The following GABBR2 variants were observed in gnomAD, a reference collection of about 807,000 sequenced individuals.
GABBR2 encodes the protein gamma-aminobutyric acid type B receptor subunit 2, also known as G-protein coupled receptor 51.
In GABBR2, 23 loss-of-function variants were observed where a neutral mutation model predicts 105.6. That is an observed-to-expected ratio of 0.22 (90% confidence interval 0.16 to 0.31). GABBR2 has a LOEUF of 0.31. Among genes scored for constraint, GABBR2 ranks in the 10% least tolerant of loss-of-function variants. The pLI, the probability that GABBR2 is intolerant of heterozygous loss-of-function variation, is 1.00. For missense variants in GABBR2, 734 were observed against 1,245.5 expected (o/e 0.59, Z 6.18); for synonymous variants, 478 against 499.7 (o/e 0.96, Z 0.58).
chr9:98,464,730 T>C (rs1408565740), intron 6 of GABBR2, among the ~76,000 whole-genome samples: 2 of 152,164 alleles, frequency 1.3e-5, no homozygotes. Context: ...TGTGTCTGTG[T>C]AGAAAGAAGT....
chr9:98,500,520 C>T (rs1588197791), intron 3 of GABBR2, among the ~76,000 whole-genome samples: 1 of 152,322 alleles, frequency 6.6e-6, no homozygotes, highest in East Asian at 1.9e-4. Context: ...ACTGGGCTCC[C>T]TAAAGGCCAG....
intron 11 of GABBR2, among the ~76,000 whole-genome samples, chr9:98,374,622 C>T (rs62576560): frequency 0.066 from 10,056 of 152,238 alleles, 452 homozygotes; most frequent in Non-Finnish European, 0.095. Context: ...ATCCATCCTC[C>T]GACTAAAAAC....
intron 2 of GABBR2, chr9:98,555,639 C>T (rs2900512): frequency 0.21 from 32,451 of 152,028 alleles, 3,729 homozygotes; most frequent in African/African-American, 0.28. Context: ...TGAAGCCAAC[C>T]GCCTTTTAAT....
At chr9:98,404,499 C>T (rs1334614613) in intron 8 of GABBR2, among the ~76,000 whole-genome samples, 1 of 152,150 alleles carries the variant, frequency 6.6e-6, no homozygotes, top group African/African-American at 2.4e-5. Flanking sequence ...CCCTGGATGG[C>T]GCTGGGATCT....
intron 7 of GABBR2, among the ~76,000 whole-genome samples, chr9:98,413,503 C>A (rs1403049942): frequency 5.9e-5 from 9 of 151,816 alleles, no homozygotes; most frequent in Non-Finnish European, 1.5e-5. Flanking sequence ...ACATTTTGTA[C>A]ACAATTTAAA....
At chr9:98,340,052 G>A (rs182124597) in intron 13 of GABBR2, among the ~76,000 whole-genome samples, 4 of 151,594 alleles carry the variant, frequency 2.6e-5, no homozygotes, top group South Asian at 4.2e-4. Context: ...ACACTTTGCC[G>A]CACACTCTTT....
chr9:98,367,068 A>T, intron 12 of GABBR2, among the ~76,000 whole-genome samples: 1 of 152,180 alleles, frequency 6.6e-6, no homozygotes, highest in East Asian at 1.9e-4. Flanking sequence ...GCATTAAGTC[A>T]CACGTGTTAA....
At chr9:98,298,159 T>C (rs998749480) in intron 17 of GABBR2, among the ~76,000 whole-genome samples, 1 of 152,208 alleles carries the variant, frequency 6.6e-6, no homozygotes, top group Non-Finnish European at 1.5e-5. Flanking sequence ...TTCTAAACCT[T>C]TTAAAAAATG....
At chr9:98,580,046 G>A (rs1828979681) in intron 1 of GABBR2, among the ~76,000 whole-genome samples, 1 of 152,126 alleles carries the variant, frequency 6.6e-6, no homozygotes, top group Non-Finnish European at 1.5e-5. Context: ...TTATCACAAT[G>A]GAAGCCACTC....
In GABBR2 at chr9:98,369,166, T is replaced by C. The variant is rs536855249; in HGVS notation, c.1770+2298A>G. Among the ~76,000 whole-genome samples the C allele has an allele frequency of 3.9e-5, 6 of 152,352 alleles. No homozygotes were observed. The South Asian group carries it at 1.2e-3, about 32-fold the overall frequency. ...AGGAACACTGGGGTGGCCAGGCCTC[T>C]CATCTTACGGAGAGTTGTCATAAAT... On this transcript the variant is annotated intron_variant, in intron 12 of 18. Coordinates refer to ENST00000259455, the MANE Select transcript of GABBR2 (RefSeq NM_005458.8).
chr9:98,428,739 G>A (rs746035958), intron 7 of GABBR2, among the ~76,000 whole-genome samples: 8 of 152,204 alleles, frequency 5.3e-5, no homozygotes, highest in Non-Finnish European at 1.2e-4. Flanking sequence ...CAGGGATTTT[G>A]CTGGTGCTAT....
intron 2 of GABBR2, among the ~76,000 whole-genome samples, chr9:98,565,184 G>A (rs1338616175): frequency 3.9e-5 from 6 of 152,126 alleles, no homozygotes; most frequent in Non-Finnish European, 1.5e-5. Context: ...CTGCAGAAGG[G>A]GTGTCCTACA....
At chr9:98,655,538 C>T (rs764858039) in intron 1 of GABBR2, among the ~76,000 whole-genome samples, 2 of 152,154 alleles carry the variant, frequency 1.3e-5, no homozygotes, top group Non-Finnish European at 2.9e-5. Context: ...CACATGCACA[C>T]ATGTTTATTG....
At chr9:98,573,334 G>A (rs1232919861) in intron 2 of GABBR2, among the ~76,000 whole-genome samples, 1 of 152,170 alleles carries the variant, frequency 6.6e-6, no homozygotes, top group Non-Finnish European at 1.5e-5. Context: ...CCAGGCAGGA[G>A]TGCAGTGGCA....
chr9:98,637,141 T>C lies in GABBR2; in HGVS notation c.322-59069A>G, dbSNP rs553708731. On this transcript the variant is annotated intron_variant, in intron 1 of 18. Coordinates refer to ENST00000259455, the MANE Select transcript of GABBR2 (RefSeq NM_005458.8). ...CTGAAAACTTCCTCCTGTGCCCAAG[T>C]GCTCCAGGTTCCCAGCCTCTGCAGT... Among the ~76,000 whole-genome samples the C allele has an allele frequency of 5.3e-5, 8 of 152,314 alleles. No homozygotes were observed. In the East Asian group the frequency reaches 1.5e-3, roughly 29 times the overall value.
At chr9:98,444,424 G>T (rs1413342387) in intron 7 of GABBR2, among the ~76,000 whole-genome samples, 1 of 152,112 alleles carries the variant, frequency 6.6e-6, no homozygotes, top group Non-Finnish European at 1.5e-5. Flanking sequence ...CACTGGAGGA[G>T]TGTACCAGGA....
At chr9:98,414,030 A>G (rs1832639510) in intron 7 of GABBR2, among the ~76,000 whole-genome samples, 1 of 152,266 alleles carries the variant, frequency 6.6e-6, no homozygotes, top group Non-Finnish European at 1.5e-5. Flanking sequence ...GATGTGCCAG[A>G]CAGGCACCAG....
chr9:98,641,166 C>T (rs1430050923), intron 1 of GABBR2, among the ~76,000 whole-genome samples: 5 of 147,172 alleles, frequency 3.4e-5, no homozygotes, highest in Non-Finnish European at 7.4e-5. Flanking sequence ...CGAAGTCTTG[C>T]TCTGTTGCCC....
intron 1 of GABBR2, among the ~76,000 whole-genome samples, chr9:98,625,546 G>A (rs1355133226): frequency 1.3e-5 from 2 of 152,322 alleles, no homozygotes; most frequent in East Asian, 3.9e-4. Flanking sequence ...TCTGGGAGGG[G>A]CTATGATATC....
Sources: allele counts gnomAD v4.1 joint callset (sites outside exome capture counted in the v4.1 genomes callset), GRCh38; gene constraint gnomAD v4.1.1; transcripts MANE v1.5; gene names NCBI Gene and HGNC (gene_info 2026-07-23, HGNC 2026-07-21).